The following LHPP variants were observed in gnomAD, a reference collection of about 807,000 sequenced individuals.
The protein encoded by LHPP is phospholysine phosphohistidine inorganic pyrophosphate phosphatase.
Under a neutral mutation model 30.3 loss-of-function variants are expected in LHPP, and 24 were observed. The ratio of observed to expected loss-of-function variants is 0.79; its 90% CI spans 0.57 to 1.11. The LOEUF is 1.11. Among genes scored for constraint, LHPP ranks in the 50% most tolerant of loss-of-function variants. LHPP has a pLI of 0.00. For missense variants in LHPP, 356 were observed against 367.2 expected, an observed-to-expected ratio of 0.97 and a Z score of 0.25; for synonymous variants, 150 against 157.1, an observed-to-expected ratio of 0.95 and a Z score of 0.34.
At position 124,496,086 on chromosome 10, in the gene LHPP, T is replaced by C. The variant is rs1953699442; in HGVS notation, c.468-875T>C. On this transcript the variant is annotated intron_variant, in intron 3 of 6. Transcript: ENST00000368842. The surrounding 1 kb of genome is among the most constrained non-coding windows in gnomAD (Gnocchi z 4.3). ...AGAGGGAAACTGATGTGATGGTGGA[T>C]GGCAAAACATTTTAGTGGTTCCAAG... Among the ~76,000 whole-genome samples the C allele has an allele frequency of 6.6e-6, 1 of 152,218 alleles. No homozygotes were observed. The highest frequency in any genetic ancestry group is 1.5e-5 in the Non-Finnish European group (1 of 68,034).
chr10:124,518,453 G>A (rs562094807), intron 6 of LHPP, among the ~76,000 whole-genome samples: 10 of 152,322 alleles, frequency 6.6e-5, no homozygotes, highest in East Asian at 1.9e-4. Context: ...GGGGCTCTCC[G>A]CTGACAGCGG....
intron 5 of LHPP, among the ~76,000 whole-genome samples, chr10:124,516,537 CA>C (rs1277108316): frequency 6.6e-6 from 1 of 152,154 alleles, no homozygotes. Flanking sequence ...TCCTGCGTCT[CA>C]GAAGTCATTG....
intron 5 of LHPP, among the ~76,000 whole-genome samples, chr10:124,515,967 C>T (rs530488515): frequency 6.6e-6 from 1 of 152,370 alleles, no homozygotes; most frequent in Admixed American, 6.5e-5. Flanking sequence ...ATGCAGCCTT[C>T]TCCTCTCTGA....
chr10:124,568,436 G>C (rs1209542495), intron 6 of LHPP, among the ~76,000 whole-genome samples: 1 of 152,152 alleles, frequency 6.6e-6, no homozygotes, highest in Non-Finnish European at 1.5e-5. Flanking sequence ...AGTTTTGTTC[G>C]CTCCTTTGCT....
At position 124,511,280 on chromosome 10, in the gene LHPP, C is replaced by G. The variant is rs539925699; in HGVS notation, c.625-5900C>G. ...ATGGAAAACCAGAATCTCTCACTTA[C>G]CATAATAGATTAATCTAAAAATAAA... On this transcript the variant is annotated intron_variant, in intron 5 of 6. Coordinates refer to ENST00000368842, the MANE Select transcript of LHPP (RefSeq NM_022126.4). Among the ~76,000 whole-genome samples the G allele has an allele frequency of 6.6e-5, 10 of 152,272 alleles. No homozygotes were observed. In the East Asian group the frequency reaches 1.9e-3, roughly 29 times the overall value.
chr10:124,479,608 A>C (rs983150996), intron 1 of LHPP, among the ~76,000 whole-genome samples: 1 of 152,108 alleles, frequency 6.6e-6, no homozygotes, highest in South Asian at 2.1e-4. Flanking sequence ...TGGGCTTGTA[A>C]GCAGGTGCCG....
chr10:124,500,331 G>A (rs369864976), intron 5 of LHPP, among the ~76,000 whole-genome samples: 1 of 151,792 alleles, frequency 6.6e-6, no homozygotes, highest in African/African-American at 2.4e-5. Flanking sequence ...AATTAGCCGG[G>A]TGTGGTGGTA....
intron 6 of LHPP, among the ~76,000 whole-genome samples, chr10:124,556,177 C>T (rs1371696268): frequency 6.6e-6 from 1 of 152,178 alleles, no homozygotes; most frequent in East Asian, 1.9e-4. Flanking sequence ...CCGACCAGCC[C>T]ACCATCCAGA....
At chr10:124,472,024 A>G (rs976647935) in intron 1 of LHPP, among the ~76,000 whole-genome samples, 4 of 151,378 alleles carry the variant, frequency 2.6e-5, no homozygotes, top group African/African-American at 7.3e-5. Context: ...ATGAATAACA[A>G]TGTTGGGCTG....
intron 1 of LHPP, 117 bp from the exon 2 acceptor site, chr10:124,484,022 G>A (rs1953232714): frequency 2.2e-6 from 2 of 916,566 alleles, no homozygotes; most frequent in Non-Finnish European, 3.3e-6. Context: ...GGGGCTCGCA[G>A]TGGCCTAGTC....
Position 124,613,444 on chromosome 10 carries a change from C to T in LHPP, c.*84C>T, listed in dbSNP as rs1461192977. The T allele has an allele frequency of 3.7e-5, 35 of 943,570 alleles. No individual in the cohort carries two copies. The highest frequency in any genetic ancestry group is 3.1e-4 in the Middle Eastern group (1 of 3,270). The allele number at this position is 943,570 out of a possible 1,614,324, so 58.4% of individuals were successfully genotyped here. On this transcript the variant is annotated 3_prime_UTR_variant, in exon 7 of 7. Coordinates refer to ENST00000368842, the MANE Select transcript of LHPP (RefSeq NM_022126.4). ...CCTCCACCCCTGCCTCTCCTCCACC[C>T]GCCCAGGAGAGCCCCACCTCCTCCA...
intron 6 of LHPP, among the ~76,000 whole-genome samples, chr10:124,577,714 A>G (rs1013800164): frequency 1.0e-5 from 1 of 97,908 alleles, no homozygotes; most frequent in Non-Finnish European, 2.5e-5. Context: ...ATGCACATGC[A>G]TATGTGTGCA....
chr10:124,609,090 AG>A (rs544923116), intron 6 of LHPP, among the ~76,000 whole-genome samples: 5 of 152,192 alleles, frequency 3.3e-5, no homozygotes, highest in Non-Finnish European at 5.9e-5. Context: ...CCTTTCCTGT[AG>A]GGGCCGAATC....
chr10:124,608,724 G>A (rs577094522), intron 6 of LHPP, among the ~76,000 whole-genome samples: 1 of 152,368 alleles, frequency 6.6e-6, no homozygotes, highest in East Asian at 1.9e-4. Flanking sequence ...TACCCAGCTT[G>A]CCGTGTCCTC....
chr10:124,612,725 G>A, intron 6 of LHPP: 1 of 154,162 alleles, frequency 6.5e-6, no homozygotes, highest in Admixed American at 6.4e-5. Context: ...TGCCTCCTCT[G>A]TTGGGTGGGC....
At chr10:124,555,418 C>T (rs111320585) in intron 6 of LHPP, among the ~76,000 whole-genome samples, 1 of 152,170 alleles carries the variant, frequency 6.6e-6, no homozygotes, top group Non-Finnish European at 1.5e-5. Context: ...AGGGCCTGGC[C>T]CTCCCCACTT....
At chr10:124,549,762 G>A (rs928335097) in intron 6 of LHPP, among the ~76,000 whole-genome samples, 3 of 152,224 alleles carry the variant, frequency 2.0e-5, no homozygotes, top group Non-Finnish European at 2.9e-5. Context: ...GGGCATGGCC[G>A]GGAAAGGCAT....
intron 6 of LHPP, among the ~76,000 whole-genome samples, chr10:124,586,033 C>T (rs1344350737): frequency 6.6e-6 from 1 of 152,196 alleles, no homozygotes; most frequent in Non-Finnish European, 1.5e-5. Context: ...GTCTGCCTGC[C>T]TTGACCTCCC....
intron 5 of LHPP, among the ~76,000 whole-genome samples, chr10:124,502,143 C>T (rs573619816): frequency 5.9e-5 from 9 of 151,948 alleles, no homozygotes; most frequent in Non-Finnish European, 1.3e-4. Context: ...TCCCCATCAT[C>T]ATCGAGCAGT....
Sources: gnomAD v4.1 joint callset for allele counts (sites outside exome capture counted in the v4.1 genomes callset) on GRCh38, gnomAD v4.1.1 for gene constraint, Gnocchi (gnomAD v3.1) non-coding constraint, MANE v1.5 for transcripts, NCBI Gene and HGNC (gene_info 2026-07-23, HGNC 2026-07-21) for gene names.